EDNRB: variants seen among roughly 807,000 people sequenced by gnomAD.
The protein encoded by EDNRB is endothelin receptor type B, also known as Hirschsprung disease 2.
Under a neutral mutation model 46.4 loss-of-function variants are expected in EDNRB, and 18 were observed. The ratio of observed to expected loss-of-function variants is 0.39; its 90% CI spans 0.27 to 0.57. The LOEUF is 0.57. Among genes scored for constraint, EDNRB ranks in the 20% least tolerant of loss-of-function variants. The pLI is 0.61. For missense variants in EDNRB, 434 were observed against 537.5 expected (o/e 0.81, Z 1.90); for synonymous variants, 213 against 204.9 (o/e 1.04, Z -0.34).
chr13:77,956,832 A>G (rs1247012192), intron 1 of EDNRB, among the ~76,000 whole-genome samples: 2 of 152,214 alleles, frequency 1.3e-5, no homozygotes, highest in Non-Finnish European at 2.9e-5. Context: ...TTTCCAAGCC[A>G]CATCACTATG....
chr13:77,919,675 CT>C, upstream of EDNRB: 2 of 1,499,780 alleles, frequency 1.3e-6, no homozygotes, highest in Non-Finnish European at 1.8e-6. Context: ...CCGCTGCAAC[CT>C]TTCCCCTTGG....
At chr13:77,914,857 A>G (rs1879733178) in intron 1 of EDNRB, among the ~76,000 whole-genome samples, 2 of 152,220 alleles carry the variant, frequency 1.3e-5, no homozygotes, top group African/African-American at 2.4e-5. Flanking sequence ...TGATTTGTCA[A>G]CTTTACTGAA....
At chr13:77,931,776 A>AAAAAAAAAAAAAAAAC (rs1566324494) in intron 1 of EDNRB, among the ~76,000 whole-genome samples, 1 of 102,890 alleles carries the variant, frequency 9.7e-6, no homozygotes, top group African/African-American at 3.5e-5. Context: ...AAAAAAAAAC[A>AAAAAAAAAAAAAAAAC]AAAAAAACCT....
intron 1 of EDNRB, among the ~76,000 whole-genome samples, chr13:77,930,862 G>A (rs915007606): frequency 2.0e-5 from 3 of 151,848 alleles, no homozygotes; most frequent in African/African-American, 7.3e-5. Flanking sequence ...GCACAGCTGG[G>A]TCTCGTTAAT....
At chr13:77,960,064 G>A (rs1853021217) in intron 1 of EDNRB, among the ~76,000 whole-genome samples, 1 of 152,172 alleles carries the variant, frequency 6.6e-6, no homozygotes, top group Non-Finnish European at 1.5e-5. Context: ...ACATCTGATT[G>A]GTGTACCTGA....
intron 1 of EDNRB, among the ~76,000 whole-genome samples, chr13:77,937,389 GAA>G (rs1449208932): frequency 2.0e-5 from 3 of 152,138 alleles, no homozygotes; most frequent in Admixed American, 6.5e-5. Flanking sequence ...TTGGGCTAGA[GAA>G]AAAACTCTTT....
chr13:77,968,717 T>C (rs1171143835), intron 1 of EDNRB, among the ~76,000 whole-genome samples: 1 of 152,180 alleles, frequency 6.6e-6, no homozygotes, highest in East Asian at 1.9e-4. Context: ...CTGAGGACTT[T>C]AGTCACAGAG....
chr13:77,905,550 AG>A (rs1394910960), intron 1 of EDNRB, among the ~76,000 whole-genome samples: 1 of 151,854 alleles, frequency 6.6e-6, no homozygotes, highest in East Asian at 1.9e-4. Flanking sequence ...GCTCTCATGG[AG>A]TTTACACTAT....
intron 1 of EDNRB, among the ~76,000 whole-genome samples, chr13:77,915,213 G>A (rs1879750634): frequency 6.6e-6 from 1 of 152,088 alleles, no homozygotes; most frequent in Non-Finnish European, 1.5e-5. Flanking sequence ...AACTGGTCCT[G>A]GATTTGATAT....
At chr13:77,956,270 TG>T (rs1881237516) in intron 1 of EDNRB, among the ~76,000 whole-genome samples, 1 of 152,208 alleles carries the variant, frequency 6.6e-6, no homozygotes. Context: ...ACTTTTTTTT[TG>T]ATGTTACTGT....
intron 1 of EDNRB, among the ~76,000 whole-genome samples, chr13:77,954,336 C>A (rs1026508273): frequency 6.6e-6 from 1 of 151,982 alleles, no homozygotes; most frequent in African/African-American, 2.4e-5. Context: ...ACTTCTATAC[C>A]ATTGGCTATT....
Position 77,918,012 on chromosome 13 carries a change from C to T in EDNRB, c.483+79G>A, listed in dbSNP as rs12720162. 5.8e-3 allele frequency: 9,341 copies of T among 1,609,240 alleles called. 470 individuals are homozygous for T. In the African/African-American group the frequency reaches 0.11, roughly 19 times the overall value. ...AGAGGGAGCTAAAGGGAAGCTCCCT[C>T]TACAAGCTTTCTCATCTCCCCGTCT... is the stretch of plus-strand genomic sequence containing the variant. On this transcript the variant is annotated intron_variant, in intron 1 of 6. Coordinates refer to ENST00000646607, the MANE Select transcript of EDNRB (RefSeq NM_001122659.3). The surrounding 1 kb of genome is among the most constrained non-coding windows in gnomAD (Gnocchi z 4.5).
At chr13:77,903,414 A>T in intron 2 of EDNRB, 54 bp from the exon 3 acceptor site, 3 of 1,611,084 alleles carry the variant, frequency 1.9e-6, no homozygotes. Context: ...GTTTTATTGA[A>T]TTGCACAGTT....
At position 77,918,343 on chromosome 13, in the gene EDNRB, C is replaced by T. The variant is rs202070754; in HGVS notation, c.231G>A (p.Thr77=). Residue 77 remains threonine (T), a synonymous_variant, in exon 1 of 7, where the codon ACG becomes ACA. Coordinates refer to ENST00000646607, the MANE Select transcript of EDNRB (RefSeq NM_001122659.3). The surrounding 1 kb of genome is among the most constrained non-coding windows in gnomAD (Gnocchi z 4.5). ...AGATGGTGCGTGGCGGAGATCCTGC[C>T]GTCCTGTCTCCTTTAGGCACCTCCG... The part of the protein sequence containing the change: ...APAEVPKGDR[T]AGSPPRTISP... 7 of 1,613,706 alleles carry T rather than the reference C, an allele frequency of 4.3e-6. No homozygotes were observed. Among genetic ancestry groups the T allele is most frequent in the Admixed American group, 3.3e-5 (2 of 59,988 alleles).
chr13:77,964,286 A>T (rs1166171383), intron 1 of EDNRB, among the ~76,000 whole-genome samples: 1 of 152,228 alleles, frequency 6.6e-6, no homozygotes, highest in East Asian at 1.9e-4. Flanking sequence ...TACCCAAAGG[A>T]TTATAAATCA....
chr13:77,958,616 C>T (rs916893598), intron 1 of EDNRB, among the ~76,000 whole-genome samples: 17 of 152,244 alleles, frequency 1.1e-4, no homozygotes, highest in African/African-American at 3.9e-4. Flanking sequence ...CCTTGGAACC[C>T]GCCTGCCTCA....
At chr13:77,965,257 A>G (rs988830458) in intron 1 of EDNRB, among the ~76,000 whole-genome samples, 2 of 152,214 alleles carry the variant, frequency 1.3e-5, no homozygotes, top group African/African-American at 2.4e-5. Flanking sequence ...GCTGTGCAAC[A>G]TATCAAGAGT....
intron 1 of EDNRB, among the ~76,000 whole-genome samples, chr13:77,965,176 A>C (rs1265848581): frequency 6.6e-6 from 1 of 152,222 alleles, no homozygotes; most frequent in South Asian, 2.1e-4. Context: ...TTGAATTATC[A>C]ATAGACAACT....
chr13:77,932,317 T>C (rs896826069), intron 1 of EDNRB, among the ~76,000 whole-genome samples: 1 of 152,190 alleles, frequency 6.6e-6, no homozygotes, highest in Non-Finnish European at 1.5e-5. Context: ...AACATATCTA[T>C]GTAGGGACAT....
Sources: gnomAD v4.1 joint callset for allele counts (sites outside exome capture counted in the v4.1 genomes callset) on GRCh38, gnomAD v4.1.1 for gene constraint, Gnocchi (gnomAD v3.1) non-coding constraint, MANE v1.5 for transcripts, NCBI Gene and HGNC (gene_info 2026-07-23, HGNC 2026-07-21) for gene names.